Variants in SLC35D3 observed in about 807,000 individuals in gnomAD.
SLC35D3 encodes the protein frc, fringe-like 1.
A neutral mutation model predicts 20.3 loss-of-function variants in SLC35D3; 18 were observed. The observed-to-expected ratio is 0.89, with a 90% CI of 0.61 to 1.32. The LOEUF (loss-of-function observed/expected upper bound fraction) is 1.32, where lower values mean the gene tolerates loss of function less well. Among genes scored for constraint, SLC35D3 ranks in the 40% most tolerant of loss-of-function variants. The probability of loss-of-function intolerance (pLI) is 0.00; values close to 1 mark genes in which losing one functional copy is unlikely to be tolerated. For missense variants in SLC35D3, 556 were observed against 565.5 expected (o/e 0.98, Z 0.17); for synonymous variants, 313 against 263.5 (o/e 1.19, Z -1.82).
chr6:136,922,890 C>G lies in SLC35D3; in HGVS notation c.439+23C>G. The G allele has an allele frequency of 6.7e-7, 1 of 1,502,030 alleles. No homozygotes were observed. Among genetic ancestry groups the G allele is most frequent in the South Asian group, 1.3e-5 (1 of 76,564 alleles). 93.0% of individuals were successfully genotyped at this position (1,502,030 alleles called of 1,614,324 possible). A position where few individuals can be genotyped will look rare whatever the true frequency, so the allele number is the denominator to read the frequency against. On this transcript the variant is annotated intron_variant, in intron 1 of 1. Coordinates refer to ENST00000331858, the MANE Select transcript of SLC35D3 (RefSeq NM_001008783.3). The surrounding 1 kb of genome is among the most constrained non-coding windows in gnomAD (Gnocchi z 6.8). ...CAGGTGAGCGGGCCCCCGCGCCGAC[C>G]CCCAGCCGACCCCACCCACCCCGCT...
At position 136,923,835 on chromosome 6, in the gene SLC35D3, T is replaced by C. The variant is rs2115308687; in HGVS notation, c.440-50T>C. The C allele has an allele frequency of 2.1e-6, 3 of 1,456,834 alleles. No individual in the cohort carries two copies. The South Asian group carries it at 4.1e-5, about 20-fold the overall frequency. 90.2% of individuals were successfully genotyped at this position (1,456,834 alleles called of 1,614,324 possible). ...CCGCCCACGCCAACCTGCTGTCTTC[T>C]CTCTTTTTCCTTCCCGCCCGGGCTC... On this transcript the variant is annotated intron_variant, in intron 1 of 1. Coordinates refer to ENST00000331858, the MANE Select transcript of SLC35D3 (RefSeq NM_001008783.3). The surrounding 1 kb of genome is among the most constrained non-coding windows in gnomAD (Gnocchi z 6.2).
At position 136,923,629 on chromosome 6, in the gene SLC35D3, A is replaced by G. The variant is rs994020421; in HGVS notation, c.440-256A>G. Among the ~76,000 whole-genome samples the G allele has an allele frequency of 6.6e-6, 1 of 152,212 alleles. No individual in the cohort carries two copies. Among genetic ancestry groups the G allele is most frequent in the Non-Finnish European group, 1.5e-5 (1 of 68,028 alleles). The stretch of plus-strand genomic sequence containing the variant: ...GCTCTCCGGGGCCTTTGTCTTGGAC[A>G]GAGGAAGATGGAGTGACCCGGGGAT... On this transcript the variant is annotated intron_variant, in intron 1 of 1. Coordinates refer to ENST00000331858, the MANE Select transcript of SLC35D3 (RefSeq NM_001008783.3). The surrounding 1 kb of genome is among the most constrained non-coding windows in gnomAD (Gnocchi z 6.2).
At position 136,924,794 on chromosome 6, in the gene SLC35D3, A is replaced by T. The variant is rs986458585; in HGVS notation, c.*98A>T. 1.1e-5 allele frequency: 13 copies of T among 1,216,058 alleles called. No homozygotes were observed. The highest frequency in any genetic ancestry group is 1.4e-5 in the Non-Finnish European group (13 of 896,750). 75.3% of individuals were successfully genotyped at this position (1,216,058 alleles called of 1,614,324 possible). A position where few individuals can be genotyped will look rare whatever the true frequency, so the allele number is the denominator to read the frequency against. On this transcript the variant is annotated 3_prime_UTR_variant, in exon 2 of 2. Coordinates refer to ENST00000331858, the MANE Select transcript of SLC35D3 (RefSeq NM_001008783.3). ...GGCCTCCCCGTTTTATTCTTTGAGG[A>T]GTGGGGAAGGGAAGAAAAGAAAGAA... is the stretch of plus-strand genomic sequence containing the variant.
In SLC35D3 at chr6:136,924,519, G is replaced by A; in HGVS notation, c.1074G>A (p.Glu358=). ...GGEAAGGPAQ[E]SRQEVRGSPR... ...AGGCAGCAGGTGGCCCCGCTCAGGA[G>A]AGCAGGCAAGAGGTCAGGGGCAGCC... The change falls in exon 2 of 2, where the codon GAG becomes GAA. Residue 358 remains glutamate (E), a synonymous_variant. Transcript: ENST00000331858. 6.2e-7 allele frequency: 1 copy of A among 1,613,434 alleles called. No individual in the cohort carries two copies. The highest frequency in any genetic ancestry group is 8.5e-7 in the Non-Finnish European group (1 of 1,179,904).
rs1776092195 is a variant in SLC35D3, at chr6:136,923,681, A to C, written c.440-204A>C. ...TGGCGGGAAGGCGCTCTGAGCACTG[A>C]GTTTGGCTGTCGCATTTGACACGGG... On this transcript the variant is annotated intron_variant, in intron 1 of 1. Transcript: ENST00000331858. This position sits in a 1 kb window ranked among gnomAD's most constrained non-coding sequence, Gnocchi z 6.2. Among the ~76,000 whole-genome samples, 1 of 151,962 alleles carries C rather than the reference A, an allele frequency of 6.6e-6. No homozygotes were observed. Among genetic ancestry groups the C allele is most frequent in the African/African-American group, 2.4e-5 (1 of 41,356 alleles).
Position 136,923,828 on chromosome 6 carries a change from T to C in SLC35D3, c.440-57T>C. ...TGGGTCCCCGCCCACGCCAACCTGC[T>C]GTCTTCTCTCTTTTTCCTTCCCGCC... is the stretch of plus-strand genomic sequence containing the variant. On this transcript the variant is annotated intron_variant, in intron 1 of 1. Coordinates refer to ENST00000331858, the MANE Select transcript of SLC35D3 (RefSeq NM_001008783.3). The surrounding 1 kb of genome is among the most constrained non-coding windows in gnomAD (Gnocchi z 6.2). 1 of 1,443,914 alleles carries C rather than the reference T, an allele frequency of 6.9e-7. No individual in the cohort carries two copies. The highest frequency in any genetic ancestry group is 9.1e-7 in the Non-Finnish European group (1 of 1,093,706). 89.4% of individuals were successfully genotyped at this position (1,443,914 alleles called of 1,614,324 possible). A position where few individuals can be genotyped will look rare whatever the true frequency, so the allele number is the denominator to read the frequency against.
At position 136,923,998 on chromosome 6, in the gene SLC35D3, G is replaced by T; in HGVS notation, c.553G>T (p.Gly185Trp). 6.3e-7 allele frequency: 1 copy of T among 1,592,972 alleles called. No homozygotes were observed. Among genetic ancestry groups the T allele is most frequent in the Non-Finnish European group, 8.5e-7 (1 of 1,174,026 alleles). The change falls in exon 2 of 2, where the codon GGG (glycine) becomes TGG (tryptophan). Residue 185 changes from glycine (G) to tryptophan (W), a missense_variant. By Grantham distance (184) the Gly-to-Trp change is radical (BLOSUM62 -2). Coordinates refer to ENST00000331858, the MANE Select transcript of SLC35D3 (RefSeq NM_001008783.3). The surrounding 1 kb of genome is among the most constrained non-coding windows in gnomAD (Gnocchi z 6.2). ...GAAGGCCAGCGCAGACACCGAGCAC[G>T]GGCCGCTCACCGCGCAGTACGTCAT... ...IQKASADTEH[G>W]PLTAQYVIAV...
chr6:136,924,647 A>T lies in SLC35D3; in HGVS notation c.1202A>T (p.Tyr401Phe), dbSNP rs144509540. 1 of 1,613,922 alleles carries T rather than the reference A, an allele frequency of 6.2e-7. No homozygotes were observed. Among genetic ancestry groups the T allele is most frequent in the Non-Finnish European group, 8.5e-7 (1 of 1,179,994 alleles). ...TGGAGGTTGGTTAGGGGAACCAGGT[A>T]TATGAAGAAGGATTATTTGATAGAA... ...EVWRLVRGTR[Y>F]MKKDYLIENE... Residue 401 changes from tyrosine (Y) to phenylalanine (F), a missense_variant, in exon 2 of 2, where the codon TAT (tyrosine) becomes TTT (phenylalanine). By Grantham distance (22) the Tyr-to-Phe change is conservative. Coordinates refer to ENST00000331858, the MANE Select transcript of SLC35D3 (RefSeq NM_001008783.3).
Position 136,922,425 on chromosome 6 carries a change from C to G in SLC35D3, c.-4C>G. The G allele has an allele frequency of 6.5e-7, 1 of 1,539,704 alleles. No homozygotes were observed. Among genetic ancestry groups the G allele is most frequent in the South Asian group, 1.2e-5 (1 of 82,594 alleles). ...CCACCGCTGGGTGCGGCGAGGCCGG[C>G]GCGATGCGGCAGCTGTGCCGGGGCC... On this transcript the variant is annotated 5_prime_UTR_variant, in exon 1 of 2. Coordinates refer to ENST00000331858, the MANE Select transcript of SLC35D3 (RefSeq NM_001008783.3). The surrounding 1 kb of genome is among the most constrained non-coding windows in gnomAD (Gnocchi z 6.8).
rs1582790658 is a variant in SLC35D3, at chr6:136,923,906, A to C, written c.461A>C (p.Asp154Ala). The C allele has an allele frequency of 6.6e-7, 1 of 1,521,244 alleles. No individual in the cohort carries two copies. The highest frequency in any genetic ancestry group is 8.8e-7 in the Non-Finnish European group (1 of 1,133,676). 94.2% of individuals were successfully genotyped at this position (1,521,244 alleles called of 1,614,324 possible). Reference protein sequence around the residue: ...ALAGAGDLTGDPIGYVTGVLA... With the variant: ...ALAGAGDLTGAPIGYVTGVLA... ...GCAGGAGCCGGCGACCTGACGGGCG[A>C]CCCCATCGGGTACGTCACGGGAGTG... Residue 154 changes from aspartate (D) to alanine (A), a missense_variant, in exon 2 of 2, where the codon GAC becomes GCC. Coordinates refer to ENST00000331858, the MANE Select transcript of SLC35D3 (RefSeq NM_001008783.3). This position sits in a 1 kb window ranked among gnomAD's most constrained non-coding sequence, Gnocchi z 6.2.
In SLC35D3 at chr6:136,923,231, C is replaced by A. The variant is rs562869888; in HGVS notation, c.439+364C>A. On this transcript the variant is annotated intron_variant, in intron 1 of 1. Coordinates refer to ENST00000331858, the MANE Select transcript of SLC35D3 (RefSeq NM_001008783.3). The surrounding 1 kb of genome is among the most constrained non-coding windows in gnomAD (Gnocchi z 6.2). ...GGAGCTGGAGTCCTCCAAGCCTGGA[C>A]CAAGCCGGAAGGAGGGGGCCGTGAA... Among the ~76,000 whole-genome samples, 1 of 152,178 alleles carries A rather than the reference C, an allele frequency of 6.6e-6. No homozygotes were observed. Among genetic ancestry groups the A allele is most frequent in the South Asian group, 2.1e-4 (1 of 4,832 alleles).
At position 136,924,401 on chromosome 6, in the gene SLC35D3, G is replaced by A. The variant is rs752018591; in HGVS notation, c.956G>A (p.Arg319Gln). ...SNYEDLEAQP[R>Q]GEEAQLSGDQ... ...TACGAGGACCTGGAGGCCCAGCCTC[G>A]GGGAGAGGAGGCGCAGCTAAGTGGA... The change falls in exon 2 of 2, where the codon CGG becomes CAG. Residue 319 changes from arginine to glutamine, a missense_variant. Physicochemically the swap from Arg to Gln is conservative, Grantham distance 43. Coordinates refer to ENST00000331858, the MANE Select transcript of SLC35D3 (RefSeq NM_001008783.3). 1.2e-6 allele frequency: 2 copies of A among 1,614,048 alleles called. No individual in the cohort carries two copies. Among genetic ancestry groups the A allele is most frequent in the African/African-American group, 1.3e-5 (1 of 75,054 alleles).
Position 136,923,826 on chromosome 6 carries a change from G to T in SLC35D3, c.440-59G>T. On this transcript the variant is annotated intron_variant, in intron 1 of 1. Transcript: ENST00000331858. The surrounding 1 kb of genome is among the most constrained non-coding windows in gnomAD (Gnocchi z 6.2). Reference sequence around the variant, plus strand: ...CGTGGGTCCCCGCCCACGCCAACCTGCTGTCTTCTCTCTTTTTCCTTCCCG... The same window carrying T: ...CGTGGGTCCCCGCCCACGCCAACCTTCTGTCTTCTCTCTTTTTCCTTCCCG... 1.4e-6 allele frequency: 2 copies of T among 1,440,534 alleles called. No homozygotes were observed. The highest frequency in any genetic ancestry group is 1.8e-6 in the Non-Finnish European group (2 of 1,090,992). 89.2% of individuals were successfully genotyped at this position (1,440,534 alleles called of 1,614,324 possible). A position where few individuals can be genotyped will look rare whatever the true frequency, so the allele number is the denominator to read the frequency against.
rs779041560 is a variant in SLC35D3, at chr6:136,922,692, G to A, written c.264G>A (p.Gln88=). 3.7e-6 allele frequency: 6 copies of A among 1,600,930 alleles called. No individual in the cohort carries two copies. The highest frequency in any genetic ancestry group is 3.4e-5 in the South Asian group (3 of 89,158). ...FAGVAVLSTL[Q]SSLTLWSLRG... is the part of the protein sequence containing the mutation. ...GGGTCGCGGTGCTCTCCACGCTGCA[G>A]TCCAGCCTCACGCTCTGGTCCCTGC... Residue 88 remains glutamine, a synonymous_variant, in exon 1 of 2, where the codon CAG becomes CAA. Transcript: ENST00000331858. This position sits in a 1 kb window ranked among gnomAD's most constrained non-coding sequence, Gnocchi z 6.8.
rs1248275920 is a variant in SLC35D3 at position 136,923,210 on chromosome 6, C to G, written c.439+343C>G. On this transcript the variant is annotated intron_variant, in intron 1 of 1. Transcript: ENST00000331858. This position sits in a 1 kb window ranked among gnomAD's most constrained non-coding sequence, Gnocchi z 6.2. ...TGGGAGGGCCGCCTGAGCCTGGGAG[C>G]TGGAGTCCTCCAAGCCTGGACCAAG... 1.3e-5 allele frequency among the ~76,000 whole-genome samples: 2 copies of G among 152,200 alleles called. No individual in the cohort carries two copies. The highest frequency in any genetic ancestry group is 3.8e-4 in the East Asian group (2 of 5,198).
In SLC35D3 at chr6:136,923,951, C is replaced by G; in HGVS notation, c.506C>G (p.Ala169Gly). 1.9e-6 allele frequency: 3 copies of G among 1,557,722 alleles called. No individual in the cohort carries two copies. The highest frequency in any genetic ancestry group is 2.6e-6 in the Non-Finnish European group (3 of 1,156,780). ...VTGVLAVLVHAAYLVLIQKAS... is the reference protein window; with the variant it reads ...VTGVLAVLVHGAYLVLIQKAS... ...GGAGTGCTGGCGGTGCTGGTGCACG[C>G]TGCCTACCTGGTGCTCATCCAGAAG... is the stretch of plus-strand genomic sequence containing the variant. Residue 169 changes from alanine to glycine, a missense_variant, in exon 2 of 2, where the codon GCT becomes GGT. Transcript: ENST00000331858. This position sits in a 1 kb window ranked among gnomAD's most constrained non-coding sequence, Gnocchi z 6.2.
rs923222508 is a variant in SLC35D3, at chr6:136,922,909, C to T, written c.439+42C>T. The T allele has an allele frequency of 4.8e-5, 71 of 1,480,144 alleles. No homozygotes were observed. The highest frequency in any genetic ancestry group is 5.5e-5 in the Non-Finnish European group (62 of 1,123,302). The allele number at this position is 1,480,144 out of a possible 1,614,324, so 91.7% of individuals were successfully genotyped here. On this transcript the variant is annotated intron_variant, in intron 1 of 1. Coordinates refer to ENST00000331858, the MANE Select transcript of SLC35D3 (RefSeq NM_001008783.3). This position sits in a 1 kb window ranked among gnomAD's most constrained non-coding sequence, Gnocchi z 6.8. ...GCCGACCCCCAGCCGACCCCACCCA[C>T]CCCGCTCCGTCGGGCAGAGACCGCG...
Position 136,922,474 on chromosome 6 carries a change from A to C in SLC35D3, c.46A>C (p.Ile16Leu). The C allele has an allele frequency of 6.3e-7, 1 of 1,599,056 alleles. No homozygotes were observed. Among genetic ancestry groups the C allele is most frequent in the Non-Finnish European group, 8.5e-7 (1 of 1,173,614 alleles). ...CCGCGTGCTGGGCATCTCGGTGGCC[A>C]TCGCGCACGGGGTCTTCTCGGGCTC... ...RGRVLGISVA[I>L]AHGVFSGSLN... is the part of the protein sequence containing the mutation. The change falls in exon 1 of 2, where the codon ATC becomes CTC. Residue 16 changes from isoleucine (I) to leucine (L), a missense_variant. Transcript: ENST00000331858. The surrounding 1 kb of genome is among the most constrained non-coding windows in gnomAD (Gnocchi z 6.8).
In SLC35D3 at chr6:136,923,402, T is replaced by G. The variant is rs1776088477; in HGVS notation, c.440-483T>G. 6.6e-6 allele frequency among the ~76,000 whole-genome samples: 1 copy of G among 151,908 alleles called. No homozygotes were observed. ...CCAGGTGCTGAGCGAGACGAGAGCC[T>G]GGGCAGGGGGAAGCTTCACTGGGGG... On this transcript the variant is annotated intron_variant, in intron 1 of 1. Transcript: ENST00000331858. The surrounding 1 kb of genome is among the most constrained non-coding windows in gnomAD (Gnocchi z 6.2).
Sources: allele counts gnomAD v4.1 joint callset (sites outside exome capture counted in the v4.1 genomes callset), GRCh38; gene constraint gnomAD v4.1.1; non-coding constraint Gnocchi (gnomAD v3.1); transcripts MANE v1.5; gene names NCBI Gene and HGNC (gene_info 2026-07-23, HGNC 2026-07-21).